Variants in ENAH observed in about 807,000 individuals in gnomAD.
ENAH encodes ENAH actin regulator, also known as protein enabled homolog.
In ENAH, 23 loss-of-function variants were observed where a neutral mutation model predicts 78.7. The observed-to-expected ratio is 0.29, with a 90% CI of 0.21 to 0.41. The LOEUF (loss-of-function observed/expected upper bound fraction) is 0.41, where lower values mean the gene tolerates loss of function less well. Among genes scored for constraint, ENAH ranks in the 10% least tolerant of loss-of-function variants. The probability of loss-of-function intolerance (pLI) is 1.00; values close to 1 mark genes in which losing one functional copy is unlikely to be tolerated. For missense variants in ENAH, 544 were observed against 691.0 expected (o/e 0.79, Z 2.39); for synonymous variants, 226 against 241.0 (o/e 0.94, Z 0.58).
intron 4 of ENAH, among the ~76,000 whole-genome samples, chr1:225,523,599 G>A (rs777964952): frequency 6.6e-6 from 1 of 152,084 alleles, no homozygotes; most frequent in Non-Finnish European, 1.5e-5. Flanking sequence ...AACACTTTAA[G>A]CTAATTTTTA....
intron 1 of ENAH, among the ~76,000 whole-genome samples, chr1:225,641,666 C>T (rs1201397152): frequency 1.3e-5 from 2 of 151,874 alleles, no homozygotes; most frequent in African/African-American, 2.4e-5. Flanking sequence ...GCGGGCAGAT[C>T]ACGTGAGGTC....
chr1:225,551,411 T>C (rs1034454829), intron 3 of ENAH, among the ~76,000 whole-genome samples: 5 of 152,220 alleles, frequency 3.3e-5, no homozygotes, highest in Non-Finnish European at 7.3e-5. Context: ...AGCTGTTTTT[T>C]ATAAATTTAA....
chr1:225,495,543 GTTTCT>G lies in ENAH; in HGVS notation c.*2227_*2231del, dbSNP rs752172545. On this transcript the variant is annotated 3_prime_UTR_variant, in exon 14 of 14. Coordinates refer to ENST00000366843, the MANE Select transcript of ENAH (RefSeq NM_018212.6). ...ACAAAACGTTTAGTGCATAAACCCAGTTTCTTTTAAGATTTAGCATTTTATTTTAG... is the reference window on the plus strand; with the variant it reads ...ACAAAACGTTTAGTGCATAAACCCAGTTTAAGATTTAGCATTTTATTTTAG... The G allele has an allele frequency of 5.1e-5, 7 of 136,506 alleles. No individual in the cohort carries two copies. The highest frequency in any genetic ancestry group is 2.3e-4 in the South Asian group (1 of 4,372). 8.5% of individuals were successfully genotyped at this position (136,506 alleles called of 1,614,324 possible).
intron 1 of ENAH, among the ~76,000 whole-genome samples, chr1:225,627,484 G>C (rs1302031264): frequency 1.3e-5 from 2 of 152,164 alleles, no homozygotes; most frequent in Non-Finnish European, 2.9e-5. Context: ...AGAGAACCAA[G>C]GGAGCTTAAA....
At chr1:225,635,622 T>A (rs1659922766) in intron 1 of ENAH, among the ~76,000 whole-genome samples, 1 of 152,234 alleles carries the variant, frequency 6.6e-6, no homozygotes, top group Non-Finnish European at 1.5e-5. Context: ...GAAGTTGATG[T>A]TGAAGTCCTA....
In ENAH at chr1:225,497,737, C is replaced by T. The variant is rs1485902437; in HGVS notation, c.*38G>A. ...AGTTGTTGTTTGTAGGATATTTTTC[C>T]TCCAGATTAAAGTCCTATCTCTCCT... On this transcript the variant is annotated 3_prime_UTR_variant, in exon 14 of 14. Coordinates refer to ENST00000366843, the MANE Select transcript of ENAH (RefSeq NM_018212.6). The T allele has an allele frequency of 5.0e-6, 8 of 1,598,360 alleles. No homozygotes were observed. The South Asian group carries it at 6.7e-5, about 13-fold the overall frequency.
intron 3 of ENAH, among the ~76,000 whole-genome samples, chr1:225,554,684 G>A (rs905104629): frequency 6.6e-6 from 1 of 151,976 alleles, no homozygotes. Flanking sequence ...AAACTCACAG[G>A]ATTATCTTTC....
intron 1 of ENAH, among the ~76,000 whole-genome samples, chr1:225,610,542 C>T (rs1383335770): frequency 1.3e-5 from 2 of 152,088 alleles, no homozygotes; most frequent in Non-Finnish European, 2.9e-5. Flanking sequence ...TTTCATTCAT[C>T]TTAAACTTCA....
chr1:225,585,350 GCA>G (rs1467173858), intron 1 of ENAH, among the ~76,000 whole-genome samples: 1 of 150,930 alleles, frequency 6.6e-6, no homozygotes, highest in African/African-American at 2.4e-5. Flanking sequence ...AAATTTGCAA[GCA>G]CATAGAATAA....
intron 2 of ENAH, among the ~76,000 whole-genome samples, chr1:225,561,298 G>A (rs1490513534): frequency 1.3e-5 from 2 of 151,740 alleles, no homozygotes; most frequent in African/African-American, 2.4e-5. Context: ...AGGATAGACA[G>A]TACTGCAAAT....
In ENAH at chr1:225,493,229, G is replaced by C. The variant is rs1335851519; in HGVS notation, c.*4546C>G. On this transcript the variant is annotated 3_prime_UTR_variant, in exon 14 of 14. Coordinates refer to ENST00000366843, the MANE Select transcript of ENAH (RefSeq NM_018212.6). ...TCCACAGCTTTTGATGTTGGGAACA[G>C]AAAAACCTGCATCACAGACCTCCAA... 1 of 152,180 alleles carries C rather than the reference G, an allele frequency of 6.6e-6. No homozygotes were observed. Among genetic ancestry groups the C allele is most frequent in the Non-Finnish European group, 1.5e-5 (1 of 68,022 alleles). The allele number at this position is 152,180 out of a possible 1,614,324, so 9.4% of individuals were successfully genotyped here.
intron 1 of ENAH, among the ~76,000 whole-genome samples, chr1:225,638,258 G>A (rs544625536): frequency 6.6e-6 from 1 of 152,096 alleles, no homozygotes; most frequent in South Asian, 2.1e-4. Context: ...CCAGGCTCAA[G>A]TGATCCTCCT....
intron 3 of ENAH, chr1:225,530,950 G>T: frequency 2.5e-6 from 1 of 406,490 alleles, no homozygotes; most frequent in South Asian, 1.2e-4. Flanking sequence ...ACCTAAGCTT[G>T]ACAGTTTCTA....
chr1:225,526,349 TTTTC>T (rs2096505023), intron 4 of ENAH, among the ~76,000 whole-genome samples: 1 of 151,672 alleles, frequency 6.6e-6, no homozygotes, highest in African/African-American at 2.4e-5. Flanking sequence ...TTTTTTTTTT[TTTTC>T]TTTTGAGACA....
intron 4 of ENAH, among the ~76,000 whole-genome samples, chr1:225,520,935 AGGGAGGG>A: frequency 1.3e-3 from 1 of 776 alleles, no homozygotes; most frequent in South Asian, 0.17. Flanking sequence ...GGAGGGAGGG[AGGGAGGG>A]AGGGAGGGAG....
In ENAH at chr1:225,488,227, C is replaced by T. The variant is rs1216562092; in HGVS notation, c.*9548G>A. The T allele has an allele frequency of 6.6e-6, 1 of 151,982 alleles. No homozygotes were observed. Among genetic ancestry groups the T allele is most frequent in the African/African-American group, 2.4e-5 (1 of 41,378 alleles). The allele number at this position is 151,982 out of a possible 1,614,324, so 9.4% of individuals were successfully genotyped here. A position where few individuals can be genotyped will look rare whatever the true frequency, so the allele number is the denominator to read the frequency against. ...AGGAGACAGGCCTCGCTATGTTGCCCAGGCTGGCCTCCAACTTTGGGCTCA... is the reference window on the plus strand; with the variant it reads ...AGGAGACAGGCCTCGCTATGTTGCCTAGGCTGGCCTCCAACTTTGGGCTCA... On this transcript the variant is annotated 3_prime_UTR_variant, in exon 14 of 14. Coordinates refer to ENST00000366843, the MANE Select transcript of ENAH (RefSeq NM_018212.6).
At chr1:225,522,017 G>A (rs184998794) in intron 4 of ENAH, among the ~76,000 whole-genome samples, 7 of 152,124 alleles carry the variant, frequency 4.6e-5, no homozygotes, top group African/African-American at 1.4e-4. Context: ...GGATGGTCTC[G>A]ATCTCCTGAC....
At chr1:225,526,431 C>G (rs564707941) in intron 4 of ENAH, among the ~76,000 whole-genome samples, 2 of 151,960 alleles carry the variant, frequency 1.3e-5, no homozygotes, top group African/African-American at 4.8e-5. Flanking sequence ...CTTGGCCTCC[C>G]GGGTTCAAGC....
chr1:225,570,945 A>T (rs529825345), intron 1 of ENAH, among the ~76,000 whole-genome samples: 1 of 152,302 alleles, frequency 6.6e-6, no homozygotes, highest in East Asian at 1.9e-4. Context: ...CCTAGGCAAG[A>T]AGAGCGAAAC....
Sources: allele counts gnomAD v4.1 joint callset (sites outside exome capture counted in the v4.1 genomes callset), GRCh38; gene constraint gnomAD v4.1.1; transcripts MANE v1.5; gene names NCBI Gene and HGNC (gene_info 2026-07-23, HGNC 2026-07-21).